KAZN: variants seen among roughly 807,000 people sequenced by gnomAD.
The protein encoded by KAZN is kazrin.
Under a neutral mutation model 87.4 loss-of-function variants are expected in KAZN, and 40 were observed. The observed-to-expected ratio is 0.46, with a 90% CI of 0.36 to 0.60. The LOEUF (loss-of-function observed/expected upper bound fraction) is 0.60, where lower values mean the gene tolerates loss of function less well. Ranked by LOEUF, KAZN falls within the 20% of genes least tolerant of loss-of-function variation. The pLI is 0.00. For synonymous variants in KAZN, 466 were observed against 458.3 expected (o/e 1.02, Z -0.22); for missense variants, 898 against 1,073.9 (o/e 0.84, Z 2.29).
At chr1:14,624,142 G>C (rs767276540) in intron 1 of KAZN, among the ~76,000 whole-genome samples, 3 of 152,138 alleles carry the variant, frequency 2.0e-5, no homozygotes, top group Non-Finnish European at 4.4e-5. Context: ...TTAAAACCAG[G>C]CCGGGCACAG....
chr1:14,093,387 G>A (rs1463038251), intron 1 of KAZN, among the ~76,000 whole-genome samples: 1 of 152,196 alleles, frequency 6.6e-6, no homozygotes, highest in Non-Finnish European at 1.5e-5. Flanking sequence ...GGGAGAGTTT[G>A]AGAGCTCTTT....
chr1:14,383,599 C>T (rs1661573664), intron 2 of KAZN, among the ~76,000 whole-genome samples: 1 of 151,780 alleles, frequency 6.6e-6, no homozygotes, highest in African/African-American at 2.4e-5. Flanking sequence ...TTGTTTTTCT[C>T]AGGTTTGTCA....
rs1395819492 is a variant in KAZN, at chr1:13,966,186, TCCCTCCTACTCCTTC to T, written c.91+72433_91+72447del. ...CTCTCCCTGCCTCCTCTTCCTTCCC[TCCCTCCTACTCCTTC>T]CCTCCCTCCTACTCCCTCAACACAC... is the stretch of plus-strand genomic sequence containing the variant. On this transcript the variant is annotated intron_variant, in intron 1 of 16. Coordinates refer to the KAZN transcript ENST00000636203. 3.3e-4 allele frequency among the ~76,000 whole-genome samples: 32 copies of T among 98,156 alleles called. No homozygotes were observed. In the South Asian group the frequency reaches 0.011, roughly 34 times the overall value. The allele number at this position is 98,156 out of a possible 152,430, so 64.4% of individuals were successfully genotyped here.
At chr1:14,376,459 C>T (rs1660926494) in intron 2 of KAZN, among the ~76,000 whole-genome samples, 1 of 152,066 alleles carries the variant, frequency 6.6e-6, no homozygotes. Flanking sequence ...ATGAGTTCAG[C>T]CTTTCCTTCT....
intron 2 of KAZN, among the ~76,000 whole-genome samples, chr1:14,394,682 T>C (rs917481449): frequency 6.6e-6 from 1 of 152,238 alleles, no homozygotes; most frequent in African/African-American, 2.4e-5. Context: ...TGTCATTCTT[T>C]CCCTCCACTG....
chr1:14,101,164 A>G (rs1557475920), intron 1 of KAZN, among the ~76,000 whole-genome samples: 1 of 152,168 alleles, frequency 6.6e-6, no homozygotes, highest in Non-Finnish European at 1.5e-5. Context: ...GAGTTCCCAG[A>G]TGCCCACTAA....
intron 1 of KAZN, among the ~76,000 whole-genome samples, chr1:14,109,814 G>A (rs201096303): frequency 1.3e-5 from 1 of 78,986 alleles, no homozygotes; most frequent in Admixed American, 1.2e-4. Flanking sequence ...TTATCAAAAC[G>A]ATTTCAGCGT....
chr1:14,146,429 G>A (rs1329456901), intron 1 of KAZN, among the ~76,000 whole-genome samples: 11 of 151,140 alleles, frequency 7.3e-5, no homozygotes, highest in Non-Finnish European at 8.8e-5. Flanking sequence ...CCAGCTACTC[G>A]GGAGGCTGAG....
At position 14,303,903 on chromosome 1, in the gene KAZN, T is replaced by C. The variant is rs1022090621; in HGVS notation, c.249+123311T>C. Among the ~76,000 whole-genome samples the C allele has an allele frequency of 2.6e-5, 4 of 152,192 alleles. No homozygotes were observed. In the East Asian group the frequency reaches 7.7e-4, roughly 29 times the overall value. On this transcript the variant is annotated intron_variant, in intron 2 of 16. Transcript: ENST00000636203. ...TATAAGCAATAAACTCCTCAAATCC[T>C]CATTCTCTCCAGTGCGTCATTTATC...
At chr1:14,405,236 G>A (rs1663735058) in intron 2 of KAZN, among the ~76,000 whole-genome samples, 1 of 152,194 alleles carries the variant, frequency 6.6e-6, no homozygotes, top group South Asian at 2.1e-4. Flanking sequence ...GGAAACTGAT[G>A]AGGAATGCAA....
chr1:14,396,168 C>A (rs1311441091), intron 2 of KAZN, among the ~76,000 whole-genome samples: 215 of 120,748 alleles, frequency 1.8e-3, no homozygotes, highest in Non-Finnish European at 1.9e-3. Flanking sequence ...GACTCCGTCT[C>A]AAAAAAAAAA....
At chr1:14,603,692 A>G (rs945150891) in intron 1 of KAZN, among the ~76,000 whole-genome samples, 1 of 152,182 alleles carries the variant, frequency 6.6e-6, no homozygotes, top group African/African-American at 2.4e-5. Flanking sequence ...GCCTGGTCAC[A>G]TATCTTTCCA....
chr1:14,414,452 A>C (rs1664578705), intron 2 of KAZN, among the ~76,000 whole-genome samples: 1 of 152,156 alleles, frequency 6.6e-6, no homozygotes. Flanking sequence ...ACATAATGTC[A>C]TACAACAGTT....
intron 1 of KAZN, among the ~76,000 whole-genome samples, chr1:14,019,106 A>G (rs77909181): frequency 0.022 from 3,369 of 152,328 alleles, 117 homozygotes; most frequent in African/African-American, 0.076. Context: ...ACTGACCAAC[A>G]AAAGACCAAG....
rs548996374 is a variant in KAZN, at chr1:15,092,062, T to G, written c.1223-2118T>G. Reference sequence around the variant, plus strand: ...CTAATCAGAGGTTTTGTTTTTTTGTTTTTTTTTTTGATTTTTTTTTTTTTT... The same window carrying G: ...CTAATCAGAGGTTTTGTTTTTTTGTGTTTTTTTTTGATTTTTTTTTTTTTT... On this transcript the variant is annotated intron_variant, in intron 8 of 14. Transcript: ENST00000376030. 4.0e-3 allele frequency among the ~76,000 whole-genome samples: 600 copies of G among 149,812 alleles called. 1 individual carries two copies. Among genetic ancestry groups the G allele is most frequent in the Middle Eastern group, 6.8e-3 (2 of 292 alleles).
At chr1:15,060,338 C>T (rs1346905923) in intron 6 of KAZN, 36 bp downstream of exon 6, 4 of 1,612,588 alleles carry the variant, frequency 2.5e-6, no homozygotes, top group East Asian at 4.5e-5. Context: ...GGCCCCTGGG[C>T]CCTGCCCAGA....
intron 1 of KAZN, among the ~76,000 whole-genome samples, chr1:14,947,683 A>ACCAGCCCG (rs58281986): frequency 4.0e-5 from 6 of 151,372 alleles, no homozygotes; most frequent in Admixed American, 2.6e-4. Context: ...CCTTGAACAA[A>ACCAGCCCG]CCTGTTGAAG....
chr1:14,569,291 C>G (rs1002402993), intron 2 of KAZN, among the ~76,000 whole-genome samples: 2 of 150,724 alleles, frequency 1.3e-5, no homozygotes, highest in Non-Finnish European at 2.9e-5. Context: ...ACCACAAAAC[C>G]ACCTCCTCTA....
chr1:14,283,643 T>C (rs1403571597), intron 2 of KAZN, among the ~76,000 whole-genome samples: 4 of 152,150 alleles, frequency 2.6e-5, no homozygotes, highest in Non-Finnish European at 5.9e-5. Flanking sequence ...CTGGTGGGAA[T>C]GCAAAATGGT....
Sources: allele counts gnomAD v4.1 joint callset (sites outside exome capture counted in the v4.1 genomes callset), GRCh38; gene constraint gnomAD v4.1.1; transcripts MANE v1.5; gene names NCBI Gene and HGNC (gene_info 2026-07-23, HGNC 2026-07-21).